Variants in WDTC1 observed in about 807,000 individuals in gnomAD.
The protein encoded by WDTC1 is WD and tetratricopeptide repeats 1, also known as WD and tetratricopeptide repeats protein 1.
Under a neutral mutation model 76.0 loss-of-function variants are expected in WDTC1, and 12 were observed. The observed-to-expected ratio is 0.16, with a 90% CI of 0.10 to 0.26. The LOEUF (loss-of-function observed/expected upper bound fraction) is 0.26, where lower values mean the gene tolerates loss of function less well. WDTC1 is among the 10% of genes least tolerant of loss of function. The pLI is 1.00. For synonymous variants in WDTC1, 326 were observed against 350.8 expected, an observed-to-expected ratio of 0.93 and a Z score of 0.79; for missense variants, 511 against 908.8, an observed-to-expected ratio of 0.56 and a Z score of 5.63.
intron 3 of WDTC1, among the ~76,000 whole-genome samples, chr1:27,279,936 A>G (rs1409979187): frequency 6.6e-6 from 1 of 152,168 alleles, no homozygotes; most frequent in Non-Finnish European, 1.5e-5. Context: ...TGATTCTGCC[A>G]CTCAGCTATC....
At chr1:27,260,333 C>G (rs1393764964) in intron 1 of WDTC1, among the ~76,000 whole-genome samples, 1 of 152,178 alleles carries the variant, frequency 6.6e-6, no homozygotes, top group African/African-American at 2.4e-5. Flanking sequence ...TCTCGATCTC[C>G]TGACCTTGTG....
In WDTC1 at chr1:27,304,984, C is replaced by T; in HGVS notation, c.1644-17C>T. On this transcript the variant is annotated splice_polypyrimidine_tract_variant and intron_variant, in intron 14 of 15. Transcript: ENST00000319394. ...CAGTACCCCACCTGACCTCCCTGCC[C>T]TTTGCCCCCCCGCCAGCAACGCTCA... 1 of 1,606,230 alleles carries T rather than the reference C, an allele frequency of 6.2e-7. No individual in the cohort carries two copies. Among genetic ancestry groups the T allele is most frequent in the Non-Finnish European group, 8.5e-7 (1 of 1,174,688 alleles).
In WDTC1 at chr1:27,290,118, A is replaced by G. The variant is rs900681615; in HGVS notation, c.480-2097A>G. Among the ~76,000 whole-genome samples, 43 of 152,016 alleles carry G rather than the reference A, an allele frequency of 2.8e-4. 1 individual carries two copies. Among genetic ancestry groups the G allele is most frequent in the Admixed American group, 1.0e-3 (16 of 15,264 alleles). ...CTGAGACAGGGTCTCACTCCATTCTATTGCCGAGGTTGGAGTGCAGTGGCG... is the reference window on the plus strand; with the variant it reads ...CTGAGACAGGGTCTCACTCCATTCTGTTGCCGAGGTTGGAGTGCAGTGGCG... On this transcript the variant is annotated intron_variant, in intron 6 of 15. Transcript: ENST00000319394.
chr1:27,243,766 A>T (rs573188333), intron 1 of WDTC1, among the ~76,000 whole-genome samples: 94 of 152,138 alleles, frequency 6.2e-4, no homozygotes, highest in Non-Finnish European at 9.1e-4. Flanking sequence ...TTTACATGCA[A>T]GCGCTTCTGT....
At chr1:27,236,284 G>T (rs548964448) in intron 1 of WDTC1, among the ~76,000 whole-genome samples, 12 of 152,126 alleles carry the variant, frequency 7.9e-5, no homozygotes, top group Non-Finnish European at 1.2e-4. Context: ...GGGCTCCTTT[G>T]GGCCAAGTCT....
Position 27,261,072 on chromosome 1 carries a change from A to G in WDTC1, c.18A>G (p.Ile6Met). The G allele has an allele frequency of 1.2e-6, 2 of 1,614,180 alleles. No homozygotes were observed. The highest frequency in any genetic ancestry group is 1.7e-5 in the Admixed American group (1 of 60,016). The part of the protein sequence containing the change: MAKVN[I>M]TRDLIRRQIK... The stretch of plus-strand genomic sequence containing the variant: ...AAGAAAAGATGGCGAAAGTCAACAT[A>G]ACTAGAGACCTCATCCGTAGGCAGA... The change falls in exon 2 of 16, where the codon ATA (isoleucine) becomes ATG (methionine). Residue 6 changes from isoleucine to methionine, a missense_variant. Transcript: ENST00000319394.
chr1:27,294,909 A>G (rs926808494), intron 9 of WDTC1, among the ~76,000 whole-genome samples: 1 of 152,216 alleles, frequency 6.6e-6, no homozygotes, highest in African/African-American at 2.4e-5. Context: ...ACTTCTGTTC[A>G]AATGCTGGCC....
intron 1 of WDTC1, among the ~76,000 whole-genome samples, chr1:27,254,309 T>C (rs2012199294): frequency 1.3e-5 from 2 of 152,030 alleles, no homozygotes; most frequent in South Asian, 4.1e-4. Flanking sequence ...ACCAGAATGC[T>C]AACCAGGCCA....
chr1:27,256,428 T>G (rs2012283127), intron 1 of WDTC1, among the ~76,000 whole-genome samples: 1 of 152,152 alleles, frequency 6.6e-6, no homozygotes, highest in Non-Finnish European at 1.5e-5. Context: ...CCTTTCTCAC[T>G]TTATAGTGGT....
intron 1 of WDTC1, among the ~76,000 whole-genome samples, chr1:27,239,640 C>T (rs1190300511): frequency 1.3e-5 from 2 of 149,564 alleles, no homozygotes; most frequent in South Asian, 4.2e-4. Flanking sequence ...ACATGGCAAA[C>T]CTGTCTCTAC....
In WDTC1 at chr1:27,306,920, A is replaced by C. The variant is rs553379715; in HGVS notation, c.*537A>C. The C allele has an allele frequency of 6.3e-6, 1 of 158,576 alleles. No homozygotes were observed. The highest frequency in any genetic ancestry group is 1.9e-4 in the East Asian group (1 of 5,320). 9.8% of individuals were successfully genotyped at this position (158,576 alleles called of 1,614,324 possible). On this transcript the variant is annotated 3_prime_UTR_variant, in exon 16 of 16. Coordinates refer to ENST00000319394, the MANE Select transcript of WDTC1 (RefSeq NM_001276252.2). This position sits in a 1 kb window ranked among gnomAD's most constrained non-coding sequence, Gnocchi z 5.0. The stretch of plus-strand genomic sequence containing the variant: ...AGCCACCAGTGTTAGAGCGGAGCCC[A>C]AAGGAAGGATGGGAGCCCTGGAGTG...
intron 3 of WDTC1, among the ~76,000 whole-genome samples, chr1:27,277,028 T>C (rs531825464): frequency 7.1e-5 from 1 of 14,124 alleles, no homozygotes; most frequent in Admixed American, 1.3e-3. Flanking sequence ...ATTCAATTTA[T>C]GTTTTATTTT....
intron 3 of WDTC1, among the ~76,000 whole-genome samples, chr1:27,281,022 A>T (rs2013171412): frequency 6.6e-6 from 1 of 151,308 alleles, no homozygotes; most frequent in Non-Finnish European, 1.5e-5. Flanking sequence ...TCAAATCCCC[A>T]AGATAAAGAC....
chr1:27,270,753 A>AAAAC (rs1053242623), intron 3 of WDTC1, among the ~76,000 whole-genome samples: 6 of 152,312 alleles, frequency 3.9e-5, no homozygotes, highest in Non-Finnish European at 5.9e-5. Flanking sequence ...TCCTATCTCA[A>AAAAC]AAACAAACAA....
intron 9 of WDTC1, among the ~76,000 whole-genome samples, chr1:27,295,528 A>G (rs1034128122): frequency 2.0e-5 from 3 of 151,220 alleles, no homozygotes; most frequent in Non-Finnish European, 4.4e-5. Context: ...ATCTCGGCTC[A>G]CTGCAACCTC....
rs1236594219 is a variant in WDTC1, at chr1:27,305,315, AC to A, written c.1836+126del. The A allele has an allele frequency of 2.4e-6, 3 of 1,235,242 alleles. No individual in the cohort carries two copies. Among genetic ancestry groups the A allele is most frequent in the Non-Finnish European group, 2.2e-6 (2 of 918,200 alleles). The allele number at this position is 1,235,242 out of a possible 1,614,324, so 76.5% of individuals were successfully genotyped here. A position where few individuals can be genotyped will look rare whatever the true frequency, so the allele number is the denominator to read the frequency against. ...GGCTAGAAGCTGCTAAGTAAGCCTT[AC>A]CCCGGGGCCCAAGGCTGTGTTCTCA... On this transcript the variant is annotated intron_variant, in intron 15 of 15. Transcript: ENST00000319394. The surrounding 1 kb of genome is among the most constrained non-coding windows in gnomAD (Gnocchi z 4.6).
intron 3 of WDTC1, among the ~76,000 whole-genome samples, chr1:27,276,282 A>G (rs543615833): frequency 6.6e-6 from 1 of 152,192 alleles, no homozygotes; most frequent in Non-Finnish European, 1.5e-5. Context: ...TCAGTGTTTA[A>G]CTTTTTTGAG....
chr1:27,297,307 T>C, intron 11 of WDTC1, 151 bp downstream of exon 11: 1 of 692,010 alleles, frequency 1.4e-6, no homozygotes. Context: ...TCTTGGAGGG[T>C]GCCTAGTGTT....
chr1:27,283,834 G>T (rs561337080), intron 5 of WDTC1, among the ~76,000 whole-genome samples: 1 of 152,278 alleles, frequency 6.6e-6, no homozygotes, highest in African/African-American at 2.4e-5. Context: ...AGGAAGCAGC[G>T]AAGGAAAATC....
Sources: allele counts gnomAD v4.1 joint callset (sites outside exome capture counted in the v4.1 genomes callset), GRCh38; gene constraint gnomAD v4.1.1; non-coding constraint Gnocchi (gnomAD v3.1); transcripts MANE v1.5; gene names NCBI Gene and HGNC (gene_info 2026-07-23, HGNC 2026-07-21).